Variants in GRIK2 observed in about 807,000 individuals in gnomAD.
The protein encoded by GRIK2 is glutamate ionotropic receptor kainate type subunit 2.
In GRIK2, 32 loss-of-function variants were observed where a neutral mutation model predicts 100.3. The ratio of observed to expected loss-of-function variants is 0.32; its 90% confidence interval spans 0.24 to 0.43. The LOEUF (loss-of-function observed/expected upper bound fraction) is 0.43, where lower values mean the gene tolerates loss of function less well. GRIK2 is among the 20% of genes least tolerant of loss of function. GRIK2 has a pLI of 1.00. For missense variants in GRIK2, 843 were observed against 1,114.9 expected (o/e 0.76, Z 3.47); for synonymous variants, 417 against 389.4 (o/e 1.07, Z -0.83).
chr6:101,680,239 A>C (rs1331855074), intron 5 of GRIK2, among the ~76,000 whole-genome samples: 1 of 152,210 alleles, frequency 6.6e-6, no homozygotes, highest in South Asian at 2.1e-4. Context: ...CCATCTCCTC[A>C]ACAACTTCCC....
chr6:101,859,563 A>G, intron 11 of GRIK2, 70 bp downstream of exon 11: 1 of 841,334 alleles, frequency 1.2e-6, no homozygotes, highest in Non-Finnish European at 2.0e-6. Context: ...GTTGATGTAT[A>G]TGAAATAACT....
intron 2 of GRIK2, among the ~76,000 whole-genome samples, chr6:101,585,654 G>A (rs1238114847): frequency 6.6e-6 from 1 of 152,074 alleles, no homozygotes; most frequent in Admixed American, 6.6e-5. Flanking sequence ...TAGGCAAAGA[G>A]TATAAGTGAC....
intron 2 of GRIK2, among the ~76,000 whole-genome samples, chr6:101,505,733 A>G (rs1320233002): frequency 6.7e-6 from 1 of 150,320 alleles, no homozygotes; most frequent in Non-Finnish European, 1.5e-5. Flanking sequence ...AGAATATAAG[A>G]CTTAGAGTCA....
Position 101,865,886 on chromosome 6 carries a change from C to T in GRIK2, c.1524+6393C>T, listed in dbSNP as rs1348012771. ...CCTGGGCAACACAGTGAGACCCCGT[C>T]TCAAAAAAAAAGAAAAAAAAAAAAG... On this transcript the variant is annotated intron_variant, in intron 11 of 16. Coordinates refer to ENST00000369134, the MANE Select transcript of GRIK2 (RefSeq NM_021956.5). Among the ~76,000 whole-genome samples the T allele has an allele frequency of 2.7e-4, 38 of 142,364 alleles. 1 individual carries two copies. In the Admixed American group the frequency reaches 2.7e-3, roughly 10 times the overall value. 93.4% of individuals were successfully genotyped at this position (142,364 alleles called of 152,430 possible). A position where few individuals can be genotyped will look rare whatever the true frequency, so the allele number is the denominator to read the frequency against.
At chr6:101,972,978 G>C (rs553316368) in intron 14 of GRIK2, among the ~76,000 whole-genome samples, 27 of 152,046 alleles carry the variant, frequency 1.8e-4, no homozygotes, top group African/African-American at 6.5e-4. Context: ...GCCAGGTAGT[G>C]TGATGCCTCA....
intron 2 of GRIK2, among the ~76,000 whole-genome samples, chr6:101,510,699 C>A (rs1201087438): frequency 6.6e-6 from 1 of 150,490 alleles, no homozygotes; most frequent in African/African-American, 2.4e-5. Flanking sequence ...ATTTTTTGTA[C>A]TTTTAGTAGA....
chr6:101,632,119 A>G (rs889244947), intron 4 of GRIK2, among the ~76,000 whole-genome samples: 37 of 152,222 alleles, frequency 2.4e-4, no homozygotes, highest in African/African-American at 8.9e-4. Context: ...CATTTGCACA[A>G]ACACACTCAG....
At chr6:101,971,075 C>T (rs896293534) in intron 14 of GRIK2, among the ~76,000 whole-genome samples, 1 of 150,614 alleles carries the variant, frequency 6.6e-6, no homozygotes, top group Non-Finnish European at 1.5e-5. Flanking sequence ...GGAGTTTGTA[C>T]TTCTAAATTT....
intron 7 of GRIK2, among the ~76,000 whole-genome samples, chr6:101,760,951 T>A (rs1445886478): frequency 6.6e-6 from 1 of 151,752 alleles, no homozygotes; most frequent in African/African-American, 2.4e-5. Flanking sequence ...ACTTAATACA[T>A]GTTAAATAGT....
chr6:101,645,932 A>G (rs1582885493), intron 4 of GRIK2, among the ~76,000 whole-genome samples: 1 of 151,984 alleles, frequency 6.6e-6, no homozygotes, highest in Admixed American at 6.6e-5. Context: ...CTTATTATGC[A>G]TATATGATAT....
chr6:101,761,458 G>T (rs376774516), intron 7 of GRIK2, among the ~76,000 whole-genome samples: 1 of 152,100 alleles, frequency 6.6e-6, no homozygotes, highest in South Asian at 2.1e-4. Context: ...TTTTGCAATT[G>T]TGGCCCCACC....
chr6:101,888,381 G>T (rs1280283844), intron 11 of GRIK2, among the ~76,000 whole-genome samples: 3 of 152,142 alleles, frequency 2.0e-5, no homozygotes, highest in Non-Finnish European at 2.9e-5. Context: ...GACAATTCCT[G>T]TGAAGTTCTT....
intron 2 of GRIK2, among the ~76,000 whole-genome samples, chr6:101,498,458 G>T (rs945312138): frequency 6.6e-6 from 1 of 151,602 alleles, no homozygotes; most frequent in African/African-American, 2.4e-5. Flanking sequence ...CTTCCACAAT[G>T]GTTGAACTAG....
chr6:101,408,653 G>A (rs1387742368), intron 2 of GRIK2, among the ~76,000 whole-genome samples: 1 of 152,004 alleles, frequency 6.6e-6, no homozygotes, highest in East Asian at 1.9e-4. Context: ...TCTCAGGAGG[G>A]TCAGTCTTTT....
chr6:101,770,711 G>T (rs1778346497), intron 7 of GRIK2, among the ~76,000 whole-genome samples: 1 of 152,108 alleles, frequency 6.6e-6, no homozygotes, highest in African/African-American at 2.4e-5. Flanking sequence ...TCACAGCAGT[G>T]TACCATTAAA....
At chr6:101,831,478 A>G (rs977985310) in intron 10 of GRIK2, among the ~76,000 whole-genome samples, 10 of 152,140 alleles carry the variant, frequency 6.6e-5, no homozygotes, top group Non-Finnish European at 1.3e-4. Flanking sequence ...TCAGGCTTGA[A>G]GAGCCACAGT....
chr6:101,631,421 T>C (rs1472672482), intron 4 of GRIK2, among the ~76,000 whole-genome samples: 1 of 152,084 alleles, frequency 6.6e-6, no homozygotes, highest in Non-Finnish European at 1.5e-5. Flanking sequence ...ACTAAATTAC[T>C]GGTACAACTT....
intron 16 of GRIK2, among the ~76,000 whole-genome samples, chr6:102,061,916 A>T (rs1399270243): frequency 6.7e-6 from 1 of 149,618 alleles, no homozygotes; most frequent in Non-Finnish European, 1.5e-5. Flanking sequence ...TGTAACTCTT[A>T]AAAAAAATCG....
At chr6:101,902,587 G>A (rs1029176547) in intron 12 of GRIK2, among the ~76,000 whole-genome samples, 5 of 151,996 alleles carry the variant, frequency 3.3e-5, no homozygotes, top group South Asian at 4.2e-4. Context: ...ATTATACCAG[G>A]AAGACTTTAG....
Sources: gnomAD v4.1 joint callset for allele counts (sites outside exome capture counted in the v4.1 genomes callset) on GRCh38, gnomAD v4.1.1 for gene constraint, MANE v1.5 for transcripts, NCBI Gene and HGNC (gene_info 2026-07-23, HGNC 2026-07-21) for gene names.